KMT2D: variants seen among roughly 807,000 people sequenced by gnomAD.
KMT2D encodes the protein lysine methyltransferase 2D, also known as histone-lysine N-methyltransferase 2D.
A neutral mutation model predicts 512.7 loss-of-function variants in KMT2D; 55 were observed. The observed-to-expected ratio is 0.11, with a 90% confidence interval of 0.09 to 0.13. The LOEUF (loss-of-function observed/expected upper bound fraction) is 0.13, where lower values mean the gene tolerates loss of function less well. Among genes scored for constraint, KMT2D ranks in the 10% least tolerant of loss-of-function variants. The probability of loss-of-function intolerance (pLI) is 1.00; values close to 1 mark genes in which losing one functional copy is unlikely to be tolerated. For synonymous variants in KMT2D, 2,995 were observed against 2,904.0 expected, an observed-to-expected ratio of 1.03 and a Z score of -1.01; for missense variants, 6,061 against 7,127.9, an observed-to-expected ratio of 0.85 and a Z score of 5.39.
rs984310367 is a variant in KMT2D, at chr12:49,033,636, C to T, written c.11069G>A (p.Gly3690Glu). Residue 3690 changes from glycine to glutamate, a missense_variant, in exon 40 of 55, where the codon GGA (glycine) becomes GAA (glutamate). This residue lies in a region of KMT2D where 1,600 missense variants were observed against 1,754.9 expected (regional missense o/e 0.91). Transcript: ENST00000301067. ...GCCCCCTGAAGGGCCAGCCAGGGATCCAGCCCCACCAGAATGTTGCTGTTG... is the reference window on the plus strand; with the variant it reads ...GCCCCCTGAAGGGCCAGCCAGGGATTCAGCCCCACCAGAATGTTGCTGTTG... ...QQQQQHSGGA[G>E]SLAGPSGGFF... is the part of the protein sequence containing the mutation. 6.2e-7 allele frequency: 1 copy of T among 1,613,726 alleles called. No individual in the cohort carries two copies. Among genetic ancestry groups the T allele is most frequent in the Non-Finnish European group, 8.5e-7 (1 of 1,179,882 alleles).
rs1002018038 is a variant in KMT2D, at chr12:49,051,073, C to T, written c.2610G>A (p.Glu870=). Residue 870 remains glutamate (E), a synonymous_variant, in exon 11 of 55, where the codon GAG becomes GAA. Transcript: ENST00000301067. ...LSPRPEKPPE[E]PGQCPAPEEL... is the part of the protein sequence containing the mutation. ...CCTCAGGTGCAGGGCATTGGCCTGG[C>T]TCCTCAGGGGGCTTTTCAGGCCGAG... The T allele has an allele frequency of 1.5e-5, 23 of 1,526,544 alleles. No homozygotes were observed. The highest frequency in any genetic ancestry group is 2.2e-5 in the Admixed American group (1 of 45,294). The allele number at this position is 1,526,544 out of a possible 1,614,324, so 94.6% of individuals were successfully genotyped here.
intron 43 of KMT2D, among the ~76,000 whole-genome samples, chr12:49,029,943 T>C (rs1023262485): frequency 6.6e-6 from 1 of 152,234 alleles, no homozygotes; most frequent in African/African-American, 2.4e-5. Flanking sequence ...GTTACTTGGA[T>C]ACAGTAACAC....
Position 49,033,581 on chromosome 12 carries a change from G to A in KMT2D, c.11124C>T (p.Ser3708=), listed in dbSNP as rs773713199. ...GFFPGNLALR[S]LGPDSRLLQE... ...GTAAAAGCCTTGAATCAGGTCCGAG[G>A]CTTCGAAGAGCAAGGTTGCCAGGGA... Residue 3708 remains serine, a synonymous_variant, in exon 40 of 55, where the codon AGC becomes AGT. Coordinates refer to ENST00000301067, the MANE Select transcript of KMT2D (RefSeq NM_003482.4). The A allele has an allele frequency of 3.1e-6, 5 of 1,613,444 alleles. No homozygotes were observed. In the African/African-American group the frequency reaches 6.7e-5, roughly 22 times the overall value.
chr12:49,040,626 G>A lies in KMT2D; in HGVS notation c.7144C>T (p.Pro2382Ser), dbSNP rs3741626. 15,048 of 1,613,568 alleles carry A rather than the reference G, an allele frequency of 9.3e-3. 240 individuals are homozygous for A. Among genetic ancestry groups the A allele is most frequent in the East Asian group, 0.08 (3,574 of 44,834 alleles). ...GSYTDPYAQPPLTPRPQPPPP... is the reference protein window; with the variant it reads ...GSYTDPYAQPSLTPRPQPPPP... Reference sequence around the variant, plus strand: ...GGAGGTTGGGGCCGAGGAGTCAATGGGGGCTGAGCATATGGGTCAGTGTAG... The same window carrying A: ...GGAGGTTGGGGCCGAGGAGTCAATGAGGGCTGAGCATATGGGTCAGTGTAG... Residue 2382 changes from proline to serine, a missense_variant, in exon 32 of 55, where the codon CCA (proline) becomes TCA (serine). Around this residue, in one of 16 missense-constraint regions of KMT2D, gnomAD observed 710 missense variants for 647.3 expected, o/e 1.10. Transcript: ENST00000301067.
At chr12:49,055,623 A>T (rs765390371) in intron 1 of KMT2D, among the ~76,000 whole-genome samples, 2 of 152,168 alleles carry the variant, frequency 1.3e-5, no homozygotes, top group African/African-American at 2.4e-5. Context: ...CCTCTGTAAG[A>T]GTTCCTGGGG....
Position 49,050,208 on chromosome 12 carries a change from C to A in KMT2D, c.3380G>T (p.Gly1127Val), listed in dbSNP as rs769731886. 1 of 1,613,786 alleles carries A rather than the reference C, an allele frequency of 6.2e-7. No homozygotes were observed. The highest frequency in any genetic ancestry group is 8.5e-7 in the Non-Finnish European group (1 of 1,179,852). Residue 1127 changes from glycine to valine, a missense_variant, in exon 12 of 55, where the codon GGG becomes GTG. Physicochemically the swap from Gly to Val is moderately radical, Grantham distance 109. Transcript: ENST00000301067. ...GLGEDTAPLD[G>V]IDAPGSQPEP... ...TGGCTGTGAACCCGGAGCATCAATC[C>A]CATCCAGAGGGGCTGTGTCTTCCCC...
intron 1 of KMT2D, among the ~76,000 whole-genome samples, chr12:49,057,861 G>A (rs1938502359): frequency 6.6e-6 from 1 of 152,166 alleles, no homozygotes; most frequent in Non-Finnish European, 1.5e-5. Context: ...CAGACAGTAG[G>A]TACAGATCTA....
At chr12:49,047,882 G>T in intron 15 of KMT2D, 83 bp downstream of exon 15, 2 of 931,564 alleles carry the variant, frequency 2.1e-6, no homozygotes, top group Non-Finnish European at 3.5e-6. Context: ...CGCTTTAAGA[G>T]GTGGTATGGC....
In KMT2D at chr12:49,025,925, C is replaced by G. The variant is rs192022596; in HGVS notation, c.15784+257G>C. 3.9e-5 allele frequency among the ~76,000 whole-genome samples: 6 copies of G among 152,272 alleles called. No individual in the cohort carries two copies. The East Asian group carries it at 1.2e-3, about 29-fold the overall frequency. The stretch of plus-strand genomic sequence containing the variant: ...AGTCTCAGAACTGTTTCCTTTTGTT[C>G]CACTGGGGATAGCAACAGAACTAGA... On this transcript the variant is annotated intron_variant, in intron 49 of 54. Transcript: ENST00000301067.
chr12:49,034,842 C>T lies in KMT2D; in HGVS notation c.10325G>A (p.Gly3442Asp), dbSNP rs2120460965. The change falls in exon 36 of 55, where the codon GGC (glycine) becomes GAC (aspartate). Residue 3442 changes from glycine (G) to aspartate (D), a missense_variant. Around this residue, in one of 16 missense-constraint regions of KMT2D, gnomAD observed 533 missense variants for 539.6 expected, o/e 0.99. Transcript: ENST00000301067. ...LKGIKKVMAQ[G>D]SIGVAPGMNR... Reference sequence around the variant, plus strand: ...CATACCAGGTGCCACCCCAATGCTGCCCTGAGCCATCACTTTCTTGATGCC... The same window carrying T: ...CATACCAGGTGCCACCCCAATGCTGTCCTGAGCCATCACTTTCTTGATGCC... The T allele has an allele frequency of 1.2e-6, 2 of 1,614,004 alleles. No individual in the cohort carries two copies. Among genetic ancestry groups the T allele is most frequent in the South Asian group, 1.1e-5 (1 of 91,086 alleles).
chr12:49,040,179 G>A lies in KMT2D; in HGVS notation c.7591C>T (p.Pro2531Ser), dbSNP rs371432516. 8.1e-6 allele frequency: 13 copies of A among 1,613,628 alleles called. No individual in the cohort carries two copies. Among genetic ancestry groups the A allele is most frequent in the South Asian group, 5.5e-5 (5 of 91,088 alleles). The part of the protein sequence containing the change: ...SPGTGAFVGT[P>S]SPMRFTFPQA... Reference sequence around the variant, plus strand: ...GGGAAAGTGAAACGCATGGGAGAGGGGGTGCCCACAAATGCACCCGTCCCA... The same window carrying A: ...GGGAAAGTGAAACGCATGGGAGAGGAGGTGCCCACAAATGCACCCGTCCCA... The change falls in exon 32 of 55, where the codon CCC becomes TCC. Residue 2531 changes from proline to serine, a missense_variant. Physicochemically the swap from Pro to Ser is moderately conservative, Grantham distance 74. Coordinates refer to ENST00000301067, the MANE Select transcript of KMT2D (RefSeq NM_003482.4).
rs567323882 is a variant in KMT2D, at chr12:49,032,666, T to G, written c.12039A>C (p.Gly4013=). Residue 4013 remains glycine (G), a synonymous_variant, in exon 40 of 55, where the codon GGA becomes GGC. Transcript: ENST00000301067. The stretch of plus-strand genomic sequence containing the variant: ...TCAGGAGGAGGGTTGGACCCAGGGC[T>G]CCAGGGCTAGAAAAGTGTTGAAGAG... ...AKPLQHFSSP[G]ALGPTLLLTG... 1 of 1,613,886 alleles carries G rather than the reference T, an allele frequency of 6.2e-7. No individual in the cohort carries two copies. Among genetic ancestry groups the G allele is most frequent in the Non-Finnish European group, 8.5e-7 (1 of 1,179,858 alleles).
rs1261529096 is a variant in KMT2D, at chr12:49,053,565, G to A, written c.750C>T (p.His250=). 2.5e-6 allele frequency: 4 copies of A among 1,600,834 alleles called. No individual in the cohort carries two copies. Among genetic ancestry groups the A allele is most frequent in the East Asian group, 2.3e-5 (1 of 44,200 alleles). ...DLFFCTSCGH[H]YHGACLDTAL... is the part of the protein sequence containing the mutation. ...CAGTGTCCAGGCAGGCCCCGTGATAGTGATGCCCACAGCTGGTACAGAAGA... is the reference window on the plus strand; with the variant it reads ...CAGTGTCCAGGCAGGCCCCGTGATAATGATGCCCACAGCTGGTACAGAAGA... Residue 250 remains histidine, a synonymous_variant, in exon 7 of 55, where the codon CAC becomes CAT. Coordinates refer to ENST00000301067, the MANE Select transcript of KMT2D (RefSeq NM_003482.4).
At chr12:49,036,249 T>G (rs757690410) in intron 35 of KMT2D, among the ~76,000 whole-genome samples, 20 of 152,020 alleles carry the variant, frequency 1.3e-4, no homozygotes, top group Non-Finnish European at 2.2e-4. Context: ...TCACTGTTCT[T>G]GAAACATCCC....
At position 49,048,039 on chromosome 12, in the gene KMT2D, G is replaced by C. The variant is rs767110613; in HGVS notation, c.4162C>G (p.Arg1388Gly). 2 of 1,609,154 alleles carry C rather than the reference G, an allele frequency of 1.2e-6. No homozygotes were observed. Among genetic ancestry groups the C allele is most frequent in the Non-Finnish European group, 1.7e-6 (2 of 1,175,912 alleles). Residue 1388 changes from arginine (R) to glycine (G), a missense_variant, in exon 15 of 55, where the codon CGG (arginine) becomes GGG (glycine). Transcript: ENST00000301067. ...DMCVVCGSFG[R>G]GAEGHLLACS... Reference sequence around the variant, plus strand: ...GCAAGGAGGTGGCCCTCTGCCCCCCGGCCAAAGCTGCCACATACCACACAC... The same window carrying C: ...GCAAGGAGGTGGCCCTCTGCCCCCCCGCCAAAGCTGCCACATACCACACAC...
In KMT2D at chr12:49,031,426, C is replaced by T. The variant is rs1408259786; in HGVS notation, c.13279G>A (p.Gly4427Arg). The T allele has an allele frequency of 6.2e-7, 1 of 1,613,632 alleles. No individual in the cohort carries two copies. The highest frequency in any genetic ancestry group is 8.5e-7 in the Non-Finnish European group (1 of 1,179,858). ...GCCTCCCTCTTCACTGACTGGGCTCCCAGGGCACATGGCTCTTCCCGAGGT... is the reference window on the plus strand; with the variant it reads ...GCCTCCCTCTTCACTGACTGGGCTCTCAGGGCACATGGCTCTTCCCGAGGT... Reference protein sequence around the residue: ...QEPREEPCALGAQSVKREANG... With the variant: ...QEPREEPCALRAQSVKREANG... The change falls in exon 40 of 55, where the codon GGA (glycine) becomes AGA (arginine). Residue 4427 changes from glycine (G) to arginine (R), a missense_variant. By Grantham distance (125) the Gly-to-Arg change is moderately radical (BLOSUM62 -2). Around this residue, in one of 16 missense-constraint regions of KMT2D, gnomAD observed 1,600 missense variants for 1,754.9 expected, o/e 0.91. Coordinates refer to ENST00000301067, the MANE Select transcript of KMT2D (RefSeq NM_003482.4).
Position 49,044,669 on chromosome 12 carries a change from A to G in KMT2D, c.4963+75T>C. ...CTTAAGGGTAACTGAGTGGCAATGT[A>G]GCCCCCACCCAACATCCCACTCCCA... On this transcript the variant is annotated intron_variant, in intron 20 of 54. Coordinates refer to ENST00000301067, the MANE Select transcript of KMT2D (RefSeq NM_003482.4). The surrounding 1 kb of genome is among the most constrained non-coding windows in gnomAD (Gnocchi z 6.4). 6.5e-7 allele frequency: 1 copy of G among 1,548,240 alleles called. No individual in the cohort carries two copies. Among genetic ancestry groups the G allele is most frequent in the Non-Finnish European group, 8.8e-7 (1 of 1,130,706 alleles).
chr12:49,043,462 G>A (rs1213319778), intron 24 of KMT2D, 34 bp from the exon 25 acceptor site: 31 of 1,609,474 alleles, frequency 1.9e-5, no homozygotes, highest in Non-Finnish European at 2.6e-5. Flanking sequence ...AATCAGAGAT[G>A]TCCTACATCT....
In KMT2D at chr12:49,032,984, T is replaced by C. The variant is rs1307653485; in HGVS notation, c.11721A>G (p.Gln3907=). The C allele has an allele frequency of 4.5e-6, 7 of 1,550,808 alleles. No homozygotes were observed. The change falls in exon 40 of 55, where the codon CAA becomes CAG. Residue 3907 remains glutamine, a synonymous_variant. Transcript: ENST00000301067. ...LQQLQQQQQL[Q]QQQQLQQQQQ... is the part of the protein sequence containing the mutation. ...GCTGCTGCTGAAGTTGCTGTTGCTG[T>C]TGCAGCTGCTGCTGCTGCTGAAGCT...
Sources: allele counts gnomAD v4.1 joint callset (sites outside exome capture counted in the v4.1 genomes callset), GRCh38; gene constraint gnomAD v4.1.1; regional missense constraint gnomAD v4.1.1; non-coding constraint Gnocchi (gnomAD v3.1); transcripts MANE v1.5; gene names NCBI Gene and HGNC (gene_info 2026-07-23, HGNC 2026-07-21).